The following CRIM1 variants were observed in gnomAD, a reference collection of about 807,000 sequenced individuals.
CRIM1 encodes cysteine rich transmembrane BMP regulator 1.
CRIM1 carries 32 observed loss-of-function variants against 116.4 expected under a neutral mutation model. That is an observed-to-expected ratio of 0.27 (90% CI 0.21 to 0.37). CRIM1 has a LOEUF of 0.37. CRIM1 is among the 10% of genes least tolerant of loss of function. The probability of loss-of-function intolerance (pLI) is 1.00; values close to 1 mark genes in which losing one functional copy is unlikely to be tolerated. For missense variants in CRIM1, 1,331 were observed against 1,354.8 expected (o/e 0.98, Z 0.28); for synonymous variants, 590 against 509.2 (o/e 1.16, Z -2.13).
intron 1 of CRIM1, among the ~76,000 whole-genome samples, chr2:36,363,531 C>CCG (rs898042493): frequency 2.0e-5 from 2 of 101,354 alleles, no homozygotes; most frequent in South Asian, 4.0e-4. Context: ...TCGTCGCCGC[C>CCG]CCCCCCCCCC....
chr2:36,359,613 T>A (rs1262096612), intron 1 of CRIM1, among the ~76,000 whole-genome samples: 2 of 152,158 alleles, frequency 1.3e-5, no homozygotes, highest in East Asian at 3.9e-4. Context: ...GGAAAAAAAA[T>A]ATTTTCTGAA....
Position 36,546,967 on chromosome 2 carries a change from A to T in CRIM1, c.2747-17A>T. On this transcript the variant is annotated splice_polypyrimidine_tract_variant and intron_variant, in intron 15 of 16. Coordinates refer to ENST00000280527, the MANE Select transcript of CRIM1 (RefSeq NM_016441.3). ...TCTGGTTTAGGTAATAAATGCTTAT[A>T]ATTTTTTTTCTCCTAGATATGGGTC... 1 of 1,479,222 alleles carries T rather than the reference A, an allele frequency of 6.8e-7. No individual in the cohort carries two copies. 91.6% of individuals were successfully genotyped at this position (1,479,222 alleles called of 1,614,324 possible).
At chr2:36,500,417 G>C (rs866778373) in intron 8 of CRIM1, among the ~76,000 whole-genome samples, 1 of 152,136 alleles carries the variant, frequency 6.6e-6, no homozygotes, top group African/African-American at 2.4e-5. Context: ...ATTGCACTTC[G>C]TTGGCTGATA....
intron 1 of CRIM1, among the ~76,000 whole-genome samples, chr2:36,387,109 A>G (rs918089769): frequency 1.3e-5 from 2 of 152,180 alleles, no homozygotes; most frequent in African/African-American, 2.4e-5. Context: ...TTGCAACTCC[A>G]TATCCTTAAG....
chr2:36,404,581 G>A (rs145370183), intron 2 of CRIM1, among the ~76,000 whole-genome samples: 1 of 152,288 alleles, frequency 6.6e-6, no homozygotes, highest in East Asian at 1.9e-4. Context: ...CATGCCATGT[G>A]CCACTACACC....
At chr2:36,431,940 G>A (rs1165857473) in intron 2 of CRIM1, among the ~76,000 whole-genome samples, 1 of 152,184 alleles carries the variant, frequency 6.6e-6, no homozygotes, top group Non-Finnish European at 1.5e-5. Flanking sequence ...TTCCTCAGTG[G>A]AGGAAAAGTT....
At chr2:36,529,244 G>C in intron 13 of CRIM1, 1 of 470,392 alleles carries the variant, frequency 2.1e-6, no homozygotes, top group Admixed American at 2.4e-5. Flanking sequence ...ACCCTCTGGA[G>C]ACTGCTGGCA....
chr2:36,378,080 A>G (rs1670453274), intron 1 of CRIM1, among the ~76,000 whole-genome samples: 1 of 152,168 alleles, frequency 6.6e-6, no homozygotes, highest in Non-Finnish European at 1.5e-5. Context: ...ACGAGACTTT[A>G]CCCTTTCTAA....
chr2:36,360,934 T>A (rs899750476), intron 1 of CRIM1, among the ~76,000 whole-genome samples: 2 of 152,132 alleles, frequency 1.3e-5, no homozygotes, highest in East Asian at 1.9e-4. Context: ...CAGGGAGCCC[T>A]TAGATCCCAG....
intron 7 of CRIM1, among the ~76,000 whole-genome samples, chr2:36,480,750 G>A (rs985235333): frequency 4.6e-5 from 7 of 152,156 alleles, no homozygotes; most frequent in Admixed American, 3.3e-4. Context: ...TGACATCACC[G>A]ATTCCCTTGT....
At chr2:36,412,599 G>A (rs186765075) in intron 2 of CRIM1, among the ~76,000 whole-genome samples, 2 of 152,034 alleles carry the variant, frequency 1.3e-5, no homozygotes, top group Non-Finnish European at 2.9e-5. Flanking sequence ...ACTAACCTTT[G>A]TATCAAGATT....
intron 7 of CRIM1, among the ~76,000 whole-genome samples, chr2:36,491,806 A>T (rs2125070136): frequency 6.6e-6 from 1 of 152,336 alleles, no homozygotes; most frequent in African/African-American, 2.4e-5. Context: ...ATGTGCACAC[A>T]CACAAACCCG....
intron 5 of CRIM1, among the ~76,000 whole-genome samples, chr2:36,470,428 C>G (rs566442678): frequency 6.6e-6 from 1 of 152,116 alleles, no homozygotes; most frequent in Non-Finnish European, 1.5e-5. Flanking sequence ...GAGAAGCAGT[C>G]AATGCCTGGC....
chr2:36,545,829 G>C (rs1667285104), intron 15 of CRIM1, among the ~76,000 whole-genome samples: 1 of 152,090 alleles, frequency 6.6e-6, no homozygotes, highest in South Asian at 2.1e-4. Context: ...ATATGGGAAA[G>C]TAAAATTCAT....
At chr2:36,517,161 T>C (rs1200871061) in intron 11 of CRIM1, among the ~76,000 whole-genome samples, 166 bp from the exon 12 acceptor site, 2 of 152,246 alleles carry the variant, frequency 1.3e-5, no homozygotes, top group Non-Finnish European at 2.9e-5. Flanking sequence ...CATTGTCTTC[T>C]GTTTCCATGC....
chr2:36,462,315 A>G (rs1677644136), intron 4 of CRIM1, among the ~76,000 whole-genome samples: 2 of 152,248 alleles, frequency 1.3e-5, no homozygotes, highest in South Asian at 2.1e-4. Context: ...TATGCAATAT[A>G]TGTCTATAAG....
At position 36,429,891 on chromosome 2, in the gene CRIM1, TG is replaced by T. The variant is rs1674746379; in HGVS notation, c.506-11364del. ...TGGTAGTTACAAGGGTGTACCCTGA[TG>T]GGAGTCCTGGGATCAAAAAGACTTG... On this transcript the variant is annotated intron_variant, in intron 2 of 16. Coordinates refer to ENST00000280527, the MANE Select transcript of CRIM1 (RefSeq NM_016441.3). 2.6e-5 allele frequency among the ~76,000 whole-genome samples: 4 copies of T among 152,234 alleles called. No individual in the cohort carries two copies. In the South Asian group the frequency reaches 8.3e-4, roughly 32 times the overall value.
chr2:36,431,855 T>G (rs1385640769), intron 2 of CRIM1, among the ~76,000 whole-genome samples: 1 of 152,204 alleles, frequency 6.6e-6, no homozygotes. Context: ...ATATTTAAAA[T>G]CTGACATTTT....
In CRIM1 at chr2:36,512,322, C is replaced by T; in HGVS notation, c.1708C>T (p.Leu570Phe). 6.2e-7 allele frequency: 1 copy of T among 1,614,106 alleles called. No homozygotes were observed. Among genetic ancestry groups the T allele is most frequent in the East Asian group, 2.2e-5 (1 of 44,882 alleles). The change falls in exon 10 of 17, where the codon CTC becomes TTC. Residue 570 changes from leucine to phenylalanine, a missense_variant. By Grantham distance (22) the Leu-to-Phe change is conservative. Coordinates refer to ENST00000280527, the MANE Select transcript of CRIM1 (RefSeq NM_016441.3). ...CTGTCGCTGTAAGAAATGTCCAGAGCTCTCATGCAGTAAGATCTGCCCCTT... is the reference window on the plus strand; with the variant it reads ...CTGTCGCTGTAAGAAATGTCCAGAGTTCTCATGCAGTAAGATCTGCCCCTT... ...DICRCKKCPE[L>F]SCSKICPLGF...
Sources: allele counts gnomAD v4.1 joint callset (sites outside exome capture counted in the v4.1 genomes callset), GRCh38; gene constraint gnomAD v4.1.1; transcripts MANE v1.5; gene names NCBI Gene and HGNC (gene_info 2026-07-23, HGNC 2026-07-21).